TMEM132D: variants seen among roughly 807,000 people sequenced by gnomAD.
TMEM132D encodes mature OL transmembrane protein.
A neutral mutation model predicts 62.3 loss-of-function variants in TMEM132D; 21 were observed. The ratio of observed to expected loss-of-function variants is 0.34; its 90% CI spans 0.24 to 0.49. TMEM132D has a LOEUF of 0.49. Ranked by LOEUF, TMEM132D falls within the 20% of genes least tolerant of loss-of-function variation. The pLI, the probability that TMEM132D is intolerant of heterozygous loss-of-function variation, is 0.99. For missense variants in TMEM132D, 1,346 were observed against 1,402.8 expected (o/e 0.96, Z 0.65); for synonymous variants, 621 against 575.6 (o/e 1.08, Z -1.13).
chr12:129,562,431 A>G (rs1206479442), intron 2 of TMEM132D, among the ~76,000 whole-genome samples: 1 of 152,168 alleles, frequency 6.6e-6, no homozygotes, highest in Non-Finnish European at 1.5e-5. Context: ...TTTTACAGGT[A>G]GATAACCTGT....
intron 4 of TMEM132D, among the ~76,000 whole-genome samples, chr12:129,224,732 C>A (rs927213510): frequency 6.6e-6 from 1 of 152,144 alleles, no homozygotes; most frequent in African/African-American, 2.4e-5. Flanking sequence ...ATGGCAAAAC[C>A]CCATCTCTAT....
At chr12:129,612,466 T>G (rs1181520995) in intron 2 of TMEM132D, among the ~76,000 whole-genome samples, 2 of 152,184 alleles carry the variant, frequency 1.3e-5, no homozygotes, top group African/African-American at 4.8e-5. Flanking sequence ...TAAAAAATCC[T>G]GTTAAAACTG....
intron 2 of TMEM132D, among the ~76,000 whole-genome samples, chr12:129,625,368 C>T (rs148350073): frequency 1.4e-4 from 21 of 152,296 alleles, no homozygotes; most frequent in African/African-American, 4.8e-4. Context: ...TTCTTTTAAT[C>T]TGTTTTCCCT....
chr12:129,678,299 C>T (rs1880689839), intron 2 of TMEM132D, among the ~76,000 whole-genome samples: 2 of 152,162 alleles, frequency 1.3e-5, no homozygotes, highest in Non-Finnish European at 1.5e-5. Flanking sequence ...TCCACATCCT[C>T]AACAACTTAT....
intron 1 of TMEM132D, among the ~76,000 whole-genome samples, chr12:129,744,792 GA>G (rs1210460490): frequency 2.0e-5 from 3 of 152,156 alleles, no homozygotes; most frequent in Non-Finnish European, 4.4e-5. Flanking sequence ...TCTGCTAGGG[GA>G]AAGCATGCAA....
rs114253855 is a variant in TMEM132D at position 129,484,913 on chromosome 12, G to A, written c.1115+46146C>T. Among the ~76,000 whole-genome samples, 161 of 152,250 alleles carry A rather than the reference G, an allele frequency of 1.1e-3. 1 individual carries two copies. Among genetic ancestry groups the A allele is most frequent in the African/African-American group, 3.0e-3 (126 of 41,554 alleles). The stretch of plus-strand genomic sequence containing the variant: ...TGACATTTATGGGTTCTTACTAAGC[G>A]GTTGGGTGGGGCTGCCCCTGGGCCA... On this transcript the variant is annotated intron_variant, in intron 3 of 8. Transcript: ENST00000422113.
In TMEM132D at chr12:129,188,427, T is replaced by C. The variant is rs372032747; in HGVS notation, c.1443+21093A>G. ...CTGACCCGCAGGCTTCTTGATGAAA[T>C]AAATGCTCACTCTTTCAAGCCATCA... On this transcript the variant is annotated intron_variant, in intron 5 of 8. Coordinates refer to ENST00000422113, the MANE Select transcript of TMEM132D (RefSeq NM_133448.3). 5.3e-5 allele frequency among the ~76,000 whole-genome samples: 8 copies of C among 152,300 alleles called. No homozygotes were observed. The East Asian group carries it at 7.7e-4, about 15-fold the overall frequency.
chr12:129,686,930 C>T (rs1190256763), intron 2 of TMEM132D, among the ~76,000 whole-genome samples: 6 of 152,268 alleles, frequency 3.9e-5, no homozygotes, highest in South Asian at 4.2e-4. Flanking sequence ...ACACGCTTTT[C>T]GGGTTTTTCC....
intron 2 of TMEM132D, among the ~76,000 whole-genome samples, chr12:129,600,300 AC>A (rs1307531448): frequency 3.9e-5 from 6 of 152,156 alleles, no homozygotes; most frequent in Non-Finnish European, 8.8e-5. Context: ...CCATTCAGTC[AC>A]CTCTTGAGGC....
chr12:129,862,510 T>C (rs887839248), intron 1 of TMEM132D, among the ~76,000 whole-genome samples: 1 of 152,234 alleles, frequency 6.6e-6, no homozygotes, highest in Non-Finnish European at 1.5e-5. Context: ...CTTTTCCATC[T>C]GTGCTCTCTG....
intron 5 of TMEM132D, among the ~76,000 whole-genome samples, chr12:129,114,453 TTCTCA>T (rs1186993238): frequency 3.3e-5 from 5 of 150,318 alleles, no homozygotes; most frequent in African/African-American, 1.2e-4. Context: ...CCCTTTTCTT[TTCTCA>T]TCTCTTCTCT....
intron 3 of TMEM132D, among the ~76,000 whole-genome samples, chr12:129,418,398 A>G (rs35024297): frequency 7.0e-4 from 106 of 152,262 alleles, no homozygotes; most frequent in African/African-American, 2.5e-3. Flanking sequence ...GGATGAGTTC[A>G]TGTCCTTTGC....
intron 1 of TMEM132D, among the ~76,000 whole-genome samples, chr12:129,784,364 T>A (rs1300967237): frequency 6.6e-6 from 1 of 152,236 alleles, no homozygotes; most frequent in Non-Finnish European, 1.5e-5. Context: ...GGGCCACAAA[T>A]AGACGCTAGT....
chr12:129,081,939 C>A lies in TMEM132D; in HGVS notation c.1743G>T (p.Thr581=), dbSNP rs773542582. Residue 581 remains threonine (T), a synonymous_variant, in exon 7 of 9, where the codon ACG becomes ACT. Coordinates refer to ENST00000422113, the MANE Select transcript of TMEM132D (RefSeq NM_133448.3). ...QYQHAMVRVL[T]QFVAEAAGPG... ...GGCCGGCCGCCTCAGCCACAAACTG[C>A]GTCAGGACCCGCACCATGGCGTGCT... 1.2e-5 allele frequency: 19 copies of A among 1,613,926 alleles called. No homozygotes were observed. In the African/African-American group the frequency reaches 2.3e-4, roughly 19 times the overall value.
chr12:129,464,506 T>G (rs1470552241), intron 3 of TMEM132D, among the ~76,000 whole-genome samples: 1 of 152,220 alleles, frequency 6.6e-6, no homozygotes, highest in South Asian at 2.1e-4. Flanking sequence ...TTGGCTTTTG[T>G]TGCCATTGCT....
At position 129,244,342 on chromosome 12, in the gene TMEM132D, C is replaced by T. The variant is rs574121908; in HGVS notation, c.1300-34679G>A. On this transcript the variant is annotated intron_variant, in intron 4 of 8. Transcript: ENST00000422113. Reference sequence around the variant, plus strand: ...CGGAGCTTGCAGTGAGCCGAGATCGCGCCACTGCACTCCAGCCTGGGCGAC... The same window carrying T: ...CGGAGCTTGCAGTGAGCCGAGATCGTGCCACTGCACTCCAGCCTGGGCGAC... Among the ~76,000 whole-genome samples the T allele has an allele frequency of 1.6e-4, 23 of 146,024 alleles. 1 individual carries two copies. The East Asian group carries it at 4.5e-3, about 29-fold the overall frequency.
intron 4 of TMEM132D, among the ~76,000 whole-genome samples, chr12:129,319,403 G>C (rs576101454): frequency 2.0e-5 from 3 of 152,184 alleles, no homozygotes; most frequent in Non-Finnish European, 4.4e-5. Context: ...GTTTGGGAGA[G>C]GAGGGTCTCC....
chr12:129,257,558 G>A (rs1246129310), intron 4 of TMEM132D, among the ~76,000 whole-genome samples: 1 of 152,166 alleles, frequency 6.6e-6, no homozygotes, highest in Non-Finnish European at 1.5e-5. Flanking sequence ...CAGGGCACCT[G>A]GATTTTCAGC....
chr12:129,241,604 G>C (rs1395897835), intron 4 of TMEM132D, among the ~76,000 whole-genome samples: 1 of 152,248 alleles, frequency 6.6e-6, no homozygotes, highest in African/African-American at 2.4e-5. Context: ...CCTTGGAGAA[G>C]TCTCCTCTGA....
Sources: allele counts gnomAD v4.1 joint callset (sites outside exome capture counted in the v4.1 genomes callset), GRCh38; gene constraint gnomAD v4.1.1; transcripts MANE v1.5; gene names NCBI Gene and HGNC (gene_info 2026-07-23, HGNC 2026-07-21).